The following CIMIP6 variants were observed in gnomAD, a reference collection of about 807,000 sequenced individuals.
CIMIP6 encodes ciliary microtubule inner protein 6.
chr2:54,360,004 T>C, the CIMIP6 span, among the ~76,000 whole-genome samples: 1 of 152,214 alleles, frequency 6.6e-6, no homozygotes, highest in Non-Finnish European at 1.5e-5. Flanking sequence ...CATTTTCTGA[T>C]GCACCCTATT....
the CIMIP6 span, among the ~76,000 whole-genome samples, chr2:54,370,008 A>G: frequency 6.6e-6 from 1 of 152,234 alleles, no homozygotes; most frequent in South Asian, 2.1e-4. Flanking sequence ...CTGTAATTCT[A>G]GCACTTTGGG....
chr2:54,343,615 C>A, the CIMIP6 span: 2 of 730,556 alleles, frequency 2.7e-6, no homozygotes, highest in Non-Finnish European at 2.0e-6. Flanking sequence ...ACTGGGATAT[C>A]CACTAACTTG....
At chr2:54,373,628 A>G in the CIMIP6 span, among the ~76,000 whole-genome samples, 5 of 152,100 alleles carry the variant, frequency 3.3e-5, no homozygotes, top group African/African-American at 1.2e-4. Context: ...TAGTCTTCTT[A>G]AATTACAGCC....
the CIMIP6 span, chr2:54,343,793 G>A: frequency 7.4e-6 from 12 of 1,612,882 alleles, no homozygotes; most frequent in Admixed American, 3.3e-5. Flanking sequence ...AGCACCCAGA[G>A]GAGTGACTTC....
At chr2:54,360,117 G>C in the CIMIP6 span, 3 of 1,446,170 alleles carry the variant, frequency 2.1e-6, no homozygotes, top group African/African-American at 4.3e-5. Context: ...ACTAGGACTT[G>C]AGCTAACGCA....
At chr2:54,332,009 C>G in the CIMIP6 span, among the ~76,000 whole-genome samples, 1 of 152,096 alleles carries the variant, frequency 6.6e-6, no homozygotes, top group East Asian at 1.9e-4. Context: ...GGAAATGGGC[C>G]CCATAAATTT....
the CIMIP6 span, among the ~76,000 whole-genome samples, chr2:54,380,961 G>T: frequency 6.6e-6 from 1 of 152,208 alleles, no homozygotes; most frequent in Admixed American, 6.5e-5. Context: ...CGCCTTGGGT[G>T]CCTTTTAGGA....
At chr2:54,354,912 T>C in the CIMIP6 span, among the ~76,000 whole-genome samples, 1 of 152,078 alleles carries the variant, frequency 6.6e-6, no homozygotes, top group African/African-American at 2.4e-5. Flanking sequence ...TGTTCTTTAA[T>C]CCTTATCTTT....
the CIMIP6 span, among the ~76,000 whole-genome samples, chr2:54,350,906 A>AT: frequency 6.6e-6 from 1 of 152,170 alleles, no homozygotes; most frequent in African/African-American, 2.4e-5. Flanking sequence ...CCTGGATTTT[A>AT]TTGTTATGTC....
chr2:54,372,292 ATTTATCATAAGGC>A, the CIMIP6 span, among the ~76,000 whole-genome samples: 3 of 152,086 alleles, frequency 2.0e-5, no homozygotes, highest in Admixed American at 6.5e-5. Flanking sequence ...CAGTGTTCAT[ATTTATCATAAGGC>A]TTCCTTCCTC....
the CIMIP6 span, among the ~76,000 whole-genome samples, chr2:54,340,392 G>A: frequency 6.6e-6 from 1 of 152,214 alleles, no homozygotes; most frequent in Admixed American, 6.5e-5. Flanking sequence ...GTAAAGACGA[G>A]GCTCCATCCA....
chr2:54,377,187 C>T, the CIMIP6 span, among the ~76,000 whole-genome samples: 1,473 of 152,202 alleles, frequency 9.7e-3, 20 homozygotes, highest in African/African-American at 0.034. Context: ...GTTGAACCCA[C>T]GCTCCCTGAA....
chr2:54,349,846 A>C, the CIMIP6 span, among the ~76,000 whole-genome samples: 1 of 150,696 alleles, frequency 6.6e-6, no homozygotes, highest in Admixed American at 6.6e-5. Flanking sequence ...ATGAAAAAGA[A>C]ATCTTTTTTT....
chr2:54,336,197 T>G, the CIMIP6 span, among the ~76,000 whole-genome samples: 1 of 152,150 alleles, frequency 6.6e-6, no homozygotes, highest in African/African-American at 2.4e-5. Context: ...GTCATGTTAC[T>G]CCATCACAAT....
At chr2:54,363,858 C>T in the CIMIP6 span, among the ~76,000 whole-genome samples, 1 of 152,212 alleles carries the variant, frequency 6.6e-6, no homozygotes, top group Non-Finnish European at 1.5e-5. Context: ...TTCTCTGCAA[C>T]AGACCTCATG....
At chr2:54,375,312 C>A in the CIMIP6 span, among the ~76,000 whole-genome samples, 1 of 152,086 alleles carries the variant, frequency 6.6e-6, no homozygotes, top group Middle Eastern at 3.4e-3. Context: ...AAATCAGTAA[C>A]AAAGTTATCA....
the CIMIP6 span, among the ~76,000 whole-genome samples, chr2:54,331,447 C>T: frequency 6.6e-6 from 1 of 152,074 alleles, no homozygotes; most frequent in African/African-American, 2.4e-5. Flanking sequence ...TCAGAGCTAT[C>T]CGTTTACAGC....
chr2:54,347,848 T>G, the CIMIP6 span, among the ~76,000 whole-genome samples: 1 of 152,174 alleles, frequency 6.6e-6, no homozygotes, highest in South Asian at 2.1e-4. Context: ...TGCTGTGGCA[T>G]TAATTGGCTT....
chr2:54,336,741 G>A, the CIMIP6 span, among the ~76,000 whole-genome samples: 1 of 152,206 alleles, frequency 6.6e-6, no homozygotes, highest in Non-Finnish European at 1.5e-5. Flanking sequence ...AGGCAGAGCT[G>A]CAATTTTAAA....
Sources: gnomAD v4.1 joint callset for allele counts (sites outside exome capture counted in the v4.1 genomes callset) on GRCh38, gnomAD v4.1.1 for gene constraint, MANE v1.5 for transcripts, NCBI Gene and HGNC (gene_info 2026-07-23, HGNC 2026-07-21) for gene names.